The following TMEM266 variants were observed in gnomAD, a reference collection of about 807,000 sequenced individuals.
TMEM266 encodes the protein Hv1 related protein 1.
In TMEM266, 33 loss-of-function variants were observed where a neutral mutation model predicts 50.5. The ratio of observed to expected loss-of-function variants is 0.65; its 90% CI spans 0.50 to 0.87. The LOEUF (loss-of-function observed/expected upper bound fraction) is 0.87. TMEM266 is among the 40% of genes least tolerant of loss of function. TMEM266 has a pLI of 0.00. For missense variants in TMEM266, 655 were observed against 695.1 expected, an observed-to-expected ratio of 0.94 and a Z score of 0.65; for synonymous variants, 310 against 292.3, an observed-to-expected ratio of 1.06 and a Z score of -0.62.
intron 3 of TMEM266, among the ~76,000 whole-genome samples, chr15:76,147,805 C>T (rs1165010296): frequency 1.3e-5 from 2 of 152,094 alleles, no homozygotes; most frequent in Non-Finnish European, 2.9e-5. Flanking sequence ...CCAAGGCCTG[C>T]GGAACGCTTG....
rs971519300 is a variant in TMEM266 at position 76,159,319 on chromosome 15, G to A, written c.383-776G>A. Reference sequence around the variant, plus strand: ...TGCCAGGGTTCAAAGGCTGGCTGTGGCTTCATGTATTTTAAAAGGGCTTTC... The same window carrying A: ...TGCCAGGGTTCAAAGGCTGGCTGTGACTTCATGTATTTTAAAAGGGCTTTC... On this transcript the variant is annotated intron_variant, in intron 4 of 10. Coordinates refer to ENST00000388942, the MANE Select transcript of TMEM266 (RefSeq NM_152335.3). 2.0e-5 allele frequency among the ~76,000 whole-genome samples: 3 copies of A among 152,302 alleles called. No homozygotes were observed. In the East Asian group the frequency reaches 5.8e-4, roughly 29 times the overall value.
At position 76,203,978 on chromosome 15, in the gene TMEM266, C is replaced by T; in HGVS notation, c.1259C>T (p.Ser420Phe). The T allele has an allele frequency of 6.2e-7, 1 of 1,610,040 alleles. No homozygotes were observed. The highest frequency in any genetic ancestry group is 8.5e-7 in the Non-Finnish European group (1 of 1,177,118). Residue 420 changes from serine to phenylalanine, a missense_variant, in exon 11 of 11, where the codon TCT (serine) becomes TTT (phenylalanine). Ser to Phe is a radical substitution (Grantham distance 155). Around this residue, in one of 3 missense-constraint regions of TMEM266, gnomAD observed 455 missense variants for 401.8 expected, o/e 1.13. Transcript: ENST00000388942. ...AGCACTGCCCGCGAGGAGCCGTCCT[C>T]TGAGCCCGGCCCTTCTCCCCCGCCG...
intron 1 of TMEM266, among the ~76,000 whole-genome samples, chr15:76,063,008 C>T (rs1031388686): frequency 2.0e-5 from 3 of 152,104 alleles, no homozygotes; most frequent in African/African-American, 4.8e-5. Flanking sequence ...TTTCCTTGAT[C>T]GACCTTGTAA....
At chr15:76,131,766 C>T (rs1332924590) in intron 1 of TMEM266, among the ~76,000 whole-genome samples, 2 of 152,094 alleles carry the variant, frequency 1.3e-5, no homozygotes, top group Admixed American at 1.3e-4. Flanking sequence ...TTGGTGTTGG[C>T]TCTGAGCCTT....
chr15:76,099,676 C>T (rs910776581), intron 1 of TMEM266, among the ~76,000 whole-genome samples: 4 of 152,152 alleles, frequency 2.6e-5, no homozygotes, highest in East Asian at 1.9e-4. Flanking sequence ...CCAGAATGTA[C>T]GGGTGTGCTC....
At chr15:76,155,779 C>G (rs1267741656) in intron 3 of TMEM266, among the ~76,000 whole-genome samples, 1 of 152,174 alleles carries the variant, frequency 6.6e-6, no homozygotes, top group Non-Finnish European at 1.5e-5. Flanking sequence ...TCCACTCAGT[C>G]TACTTTGAAA....
intron 10 of TMEM266, 29 bp downstream of exon 10, chr15:76,202,293 G>T (rs1402719483): frequency 1.9e-6 from 3 of 1,588,800 alleles, no homozygotes; most frequent in Non-Finnish European, 2.6e-6. Flanking sequence ...TGTTCTACAT[G>T]TGCCACAACC....
At chr15:76,084,040 C>T (rs564135700) in intron 1 of TMEM266, among the ~76,000 whole-genome samples, 1 of 152,146 alleles carries the variant, frequency 6.6e-6, no homozygotes, top group Admixed American at 6.6e-5. Context: ...GGCGTGTGGT[C>T]GCTCATTACA....
intron 7 of TMEM266, 46 bp downstream of exon 7, chr15:76,171,177 G>C (rs1455715582): frequency 5.0e-6 from 8 of 1,601,572 alleles, no homozygotes; most frequent in Non-Finnish European, 6.8e-6. Flanking sequence ...GCTCCAGAAA[G>C]TGGGGCTTTC....
At chr15:76,143,711 T>A (rs974572926) in intron 3 of TMEM266, among the ~76,000 whole-genome samples, 1 of 152,184 alleles carries the variant, frequency 6.6e-6, no homozygotes, top group African/African-American at 2.4e-5. Flanking sequence ...CTTTTAAAAA[T>A]TGTTTGAGGT....
intron 1 of TMEM266, among the ~76,000 whole-genome samples, chr15:76,126,227 C>G (rs2037420699): frequency 6.6e-6 from 1 of 151,448 alleles, no homozygotes; most frequent in Non-Finnish European, 1.5e-5. Flanking sequence ...CCTTTCCTTT[C>G]AAAGGAAAGG....
rs145584201 is a variant in TMEM266, at chr15:76,092,460, C to T, written c.-97+32444C>T. Among the ~76,000 whole-genome samples the T allele has an allele frequency of 4.8e-3, 727 of 152,072 alleles. 3 individuals carry two copies. Among genetic ancestry groups the T allele is most frequent in the Non-Finnish European group, 8.1e-3 (550 of 67,974 alleles). ...ATCACAGCACTTTGGGAGGCCGAGG[C>T]GGGCGGATCAGCTGAGGTCAGGAGT... On this transcript the variant is annotated intron_variant, in intron 1 of 10. Transcript: ENST00000388942.
chr15:76,063,798 C>T (rs2955773), intron 1 of TMEM266, among the ~76,000 whole-genome samples: 6,252 of 152,284 alleles, frequency 0.041, 452 homozygotes, highest in African/African-American at 0.14. Context: ...GCTTCCCACA[C>T]TTTTTGTTTT....
intron 1 of TMEM266, among the ~76,000 whole-genome samples, chr15:76,101,380 T>C (rs2036997062): frequency 6.6e-6 from 1 of 152,152 alleles, no homozygotes; most frequent in Non-Finnish European, 1.5e-5. Flanking sequence ...CAGTAAGCAG[T>C]TTGTTGAGAA....
intron 7 of TMEM266, among the ~76,000 whole-genome samples, chr15:76,171,968 G>A (rs1198633034): frequency 6.6e-6 from 1 of 152,206 alleles, no homozygotes; most frequent in Middle Eastern, 3.2e-3. Context: ...GGACACTGAA[G>A]TCATCTTATG....
chr15:76,096,958 T>G (rs2036930162), intron 1 of TMEM266, among the ~76,000 whole-genome samples: 1 of 146,118 alleles, frequency 6.8e-6, no homozygotes, highest in Admixed American at 7.2e-5. Flanking sequence ...TTGCTTTCCA[T>G]TTTCCTGGTA....
At chr15:76,189,117 A>G (rs555358389) in intron 8 of TMEM266, among the ~76,000 whole-genome samples, 2 of 152,300 alleles carry the variant, frequency 1.3e-5, no homozygotes, top group South Asian at 4.2e-4. Flanking sequence ...ACTTGAACCC[A>G]TGAGTACAAG....
chr15:76,134,257 A>G lies in TMEM266; in HGVS notation c.-7A>G. 1 of 1,614,116 alleles carries G rather than the reference A, an allele frequency of 6.2e-7. No homozygotes were observed. The highest frequency in any genetic ancestry group is 8.5e-7 in the Non-Finnish European group (1 of 1,179,950). On this transcript the variant is annotated 5_prime_UTR_variant, in exon 2 of 11. Transcript: ENST00000388942. ...CAGCTGAGCCCCACTAAACACCAAGAAAACCCATGGCTGTGGCTCCATCTT... is the reference window on the plus strand; with the variant it reads ...CAGCTGAGCCCCACTAAACACCAAGGAAACCCATGGCTGTGGCTCCATCTT...
chr15:76,165,811 G>T (rs535942400), intron 5 of TMEM266, among the ~76,000 whole-genome samples: 1 of 152,234 alleles, frequency 6.6e-6, no homozygotes, highest in Non-Finnish European at 1.5e-5. Flanking sequence ...ATCGGAGCCA[G>T]AAAGAGGACT....
Sources: allele counts gnomAD v4.1 joint callset (sites outside exome capture counted in the v4.1 genomes callset), GRCh38; gene constraint gnomAD v4.1.1; regional missense constraint gnomAD v4.1.1; transcripts MANE v1.5; gene names NCBI Gene and HGNC (gene_info 2026-07-23, HGNC 2026-07-21).